The following SLC4A5 variants were observed in gnomAD, a reference collection of about 807,000 sequenced individuals.
SLC4A5 encodes solute carrier family 4 member 5.
In SLC4A5, 96 loss-of-function variants were observed where a neutral mutation model predicts 120.4. The observed-to-expected ratio is 0.80, with a 90% CI of 0.68 to 0.94. SLC4A5 has a LOEUF of 0.94. SLC4A5 is among the 40% of genes least tolerant of loss of function. The pLI is 0.00. For synonymous variants in SLC4A5, 550 were observed against 571.1 expected, an observed-to-expected ratio of 0.96 and a Z score of 0.53; for missense variants, 1,259 against 1,459.5, an observed-to-expected ratio of 0.86 and a Z score of 2.24.
At chr2:74,330,715 T>C (rs1404969725) in intron 4 of SLC4A5, among the ~76,000 whole-genome samples, 1 of 144,938 alleles carries the variant, frequency 6.9e-6, no homozygotes, top group African/African-American at 2.6e-5. Flanking sequence ...TAGGTGAGGG[T>C]GGTGAGGTCT....
intron 7 of SLC4A5, among the ~76,000 whole-genome samples, chr2:74,300,114 G>A (rs574339315): frequency 1.8e-4 from 28 of 152,326 alleles, no homozygotes; most frequent in Non-Finnish European, 3.2e-4. Context: ...AGTGAAATAA[G>A]CCAGAACTAT....
At chr2:74,247,966 CA>C (rs1284002764) in intron 18 of SLC4A5, among the ~76,000 whole-genome samples, 2 of 152,132 alleles carry the variant, frequency 1.3e-5, no homozygotes, top group East Asian at 3.9e-4. Flanking sequence ...TGGTCTGGTC[CA>C]AACCCTCATG....
chr2:74,279,341 C>T (rs541443851), intron 8 of SLC4A5, among the ~76,000 whole-genome samples: 3 of 152,304 alleles, frequency 2.0e-5, no homozygotes, highest in African/African-American at 4.8e-5. Flanking sequence ...TCAGTTCTTG[C>T]GGTACTTCTT....
chr2:74,320,754 C>T (rs1432346642), intron 5 of SLC4A5, among the ~76,000 whole-genome samples: 3 of 152,086 alleles, frequency 2.0e-5, no homozygotes, highest in African/African-American at 7.2e-5. Flanking sequence ...GGAGAAGAAC[C>T]CTGCAGCAGT....
At chr2:74,301,722 C>T (rs1049320301) in intron 7 of SLC4A5, among the ~76,000 whole-genome samples, 4 of 152,238 alleles carry the variant, frequency 2.6e-5, no homozygotes, top group African/African-American at 7.2e-5. Flanking sequence ...ATCACACATA[C>T]AATGCCCATT....
At chr2:74,269,029 G>C (rs141268540) in intron 8 of SLC4A5, among the ~76,000 whole-genome samples, 1 of 152,224 alleles carries the variant, frequency 6.6e-6, no homozygotes, top group Non-Finnish European at 1.5e-5. Flanking sequence ...CTGAAACATG[G>C]GGGCTGGAGC....
At chr2:74,221,391 GTC>G (rs1558862892) in intron 30 of SLC4A5, 41 bp downstream of exon 30, 1 of 1,459,740 alleles carries the variant, frequency 6.9e-7, no homozygotes, top group Non-Finnish European at 9.6e-7. Context: ...CCATTTCCTA[GTC>G]TCTTACCTAA....
At chr2:74,250,299 C>T (rs770716747) in intron 17 of SLC4A5, 44 bp downstream of exon 17, 110 of 1,581,638 alleles carry the variant, frequency 7.0e-5, no homozygotes, top group Non-Finnish European at 9.2e-5. Flanking sequence ...CACCAGGTGG[C>T]GGCAGATCTT....
At chr2:74,321,606 G>T (rs929913257) in intron 5 of SLC4A5, among the ~76,000 whole-genome samples, 2 of 152,006 alleles carry the variant, frequency 1.3e-5, no homozygotes, top group African/African-American at 2.4e-5. Context: ...AAAGGACTCT[G>T]GGAAAGTAAG....
chr2:74,231,758 T>C (rs1670095305), intron 24 of SLC4A5, among the ~76,000 whole-genome samples: 1 of 152,126 alleles, frequency 6.6e-6, no homozygotes, highest in Admixed American at 6.5e-5. Flanking sequence ...GCACAATGAA[T>C]GAGGATCTGG....
At chr2:74,219,631 C>G (rs1694560968) in intron 30 of SLC4A5, among the ~76,000 whole-genome samples, 6 of 152,142 alleles carry the variant, frequency 3.9e-5, no homozygotes, top group Admixed American at 3.9e-4. Flanking sequence ...GTCTTAGGGC[C>G]TTGTGTAATT....
At chr2:74,253,100 C>A in exon 15 of SLC4A5, 1 of 1,614,034 alleles carries the variant, frequency 6.2e-7, no homozygotes, top group Non-Finnish European at 8.5e-7. Flanking sequence ...TTCCCGATTG[C>A]GGGCTTTGTA....
chr2:74,235,983 C>T (rs574359897), intron 21 of SLC4A5, among the ~76,000 whole-genome samples: 6 of 152,190 alleles, frequency 3.9e-5, no homozygotes, highest in Non-Finnish European at 7.3e-5. Flanking sequence ...GGGCAGGTGA[C>T]AGTACATTGA....
At chr2:74,266,760 G>C (rs1318319471) in intron 8 of SLC4A5, among the ~76,000 whole-genome samples, 1 of 152,094 alleles carries the variant, frequency 6.6e-6, no homozygotes, top group Admixed American at 6.6e-5. Context: ...TATATTCTTG[G>C]AGAATATTGT....
chr2:74,279,178 T>C (rs1671734841), intron 8 of SLC4A5, among the ~76,000 whole-genome samples: 1 of 152,238 alleles, frequency 6.6e-6, no homozygotes, highest in African/African-American at 2.4e-5. Flanking sequence ...CTTAAGAGGC[T>C]TCCTTCACTC....
At chr2:74,292,466 T>C (rs534592012) in intron 7 of SLC4A5, among the ~76,000 whole-genome samples, 37 of 152,274 alleles carry the variant, frequency 2.4e-4, no homozygotes, top group African/African-American at 8.7e-4. Flanking sequence ...GGATCCCACA[T>C]GTGTGCAGCA....
exon 17 of SLC4A5, chr2:74,250,420 G>A: frequency 3.1e-6 from 5 of 1,614,210 alleles, no homozygotes; most frequent in Non-Finnish European, 4.2e-6. Flanking sequence ...TAGATGAATA[G>A]GATGGCAGAG....
At chr2:74,234,063 A>C (rs2103920705) in intron 22 of SLC4A5, among the ~76,000 whole-genome samples, 1 of 127,086 alleles carries the variant, frequency 7.9e-6, no homozygotes, top group East Asian at 4.6e-4. Flanking sequence ...GTCTCAAAAA[A>C]CAAACAAACA....
intron 8 of SLC4A5, among the ~76,000 whole-genome samples, chr2:74,275,134 C>G (rs1306415913): frequency 1.3e-5 from 2 of 152,296 alleles, no homozygotes; most frequent in South Asian, 2.1e-4. Context: ...AGGAGAAACA[C>G]TCCTTCCCAG....
Sources: gnomAD v4.1 joint callset for allele counts (sites outside exome capture counted in the v4.1 genomes callset) on GRCh38, gnomAD v4.1.1 for gene constraint, MANE v1.5 for transcripts, NCBI Gene and HGNC (gene_info 2026-07-23, HGNC 2026-07-21) for gene names.